The following MGST1 variants were observed in gnomAD, a reference collection of about 807,000 sequenced individuals.
MGST1 encodes the protein microsomal glutathione S-transferase 1.
A neutral mutation model predicts 8.9 loss-of-function variants in MGST1; 5 were observed. The observed-to-expected ratio is 0.56, with a 90% CI of 0.29 to 1.19. The LOEUF (loss-of-function observed/expected upper bound fraction) is 1.19, where lower values mean the gene tolerates loss of function less well. MGST1 is among the 50% of genes most tolerant of loss of function. The pLI is 0.08. For missense variants in MGST1, 182 were observed against 187.4 expected (o/e 0.97, Z 0.17); for synonymous variants, 54 against 67.8 (o/e 0.80, Z 1.00).
chr12:16,428,296 CTTTG>C (rs1194268165), intron 1 of MGST1, among the ~76,000 whole-genome samples: 1 of 151,314 alleles, frequency 6.6e-6, no homozygotes, highest in African/African-American at 2.4e-5. Flanking sequence ...TCTCTTATAA[CTTTG>C]TTTGCAAATT....
At chr12:16,507,324 A>G (rs184156860) in intron 4 of MGST1, among the ~76,000 whole-genome samples, 267 of 152,248 alleles carry the variant, frequency 1.8e-3, no homozygotes, top group Non-Finnish European at 2.9e-3. Flanking sequence ...AGTAGGGGCA[A>G]GTTCATCAGA....
intron 1 of MGST1, among the ~76,000 whole-genome samples, chr12:16,398,778 A>G (rs1335905553): frequency 6.6e-6 from 1 of 152,234 alleles, no homozygotes; most frequent in Non-Finnish European, 1.5e-5. Context: ...TATCACAACA[A>G]TCAGTAAATT....
Position 16,500,384 on chromosome 12 carries a change from C to T in MGST1, n.483-89144C>T, listed in dbSNP as rs191119819. Among the ~76,000 whole-genome samples, 1 of 152,318 alleles carries T rather than the reference C, an allele frequency of 6.6e-6. No homozygotes were observed. The highest frequency in any genetic ancestry group is 1.9e-4 in the East Asian group (1 of 5,190). On this transcript the variant is annotated intron_variant and non_coding_transcript_variant, in intron 4 of 4. Transcript: ENST00000538857. The surrounding 1 kb of genome is among the most constrained non-coding windows in gnomAD (Gnocchi z 4.3). ...TATTATAACAACAGCTATTCCCAAC[C>T]TTCTAGCTTGATCCATTCAGGGACA...
intron 4 of MGST1, among the ~76,000 whole-genome samples, chr12:16,570,310 C>T (rs1005997840): frequency 2.6e-5 from 4 of 152,104 alleles, no homozygotes; most frequent in African/African-American, 9.7e-5. Flanking sequence ...TAATTACCTT[C>T]TTTTCTATCT....
chr12:16,395,197 T>A (rs1194682034), intron 1 of MGST1, among the ~76,000 whole-genome samples: 2 of 151,968 alleles, frequency 1.3e-5, no homozygotes, highest in East Asian at 1.9e-4. Context: ...GAAGGATTTT[T>A]TATATATATA....
At chr12:16,441,582 C>T (rs1941039134), downstream of MGST1, among the ~76,000 whole-genome samples, 1 of 151,828 alleles carries the variant, frequency 6.6e-6, no homozygotes, top group African/African-American at 2.4e-5. Context: ...TGAAATCGCA[C>T]AGTATGTAGC....
In MGST1 at chr12:16,501,918, TATTA is replaced by T. The variant is rs1211514801; in HGVS notation, n.483-87605_483-87602del. Among the ~76,000 whole-genome samples, 7 of 152,178 alleles carry T rather than the reference TATTA, an allele frequency of 4.6e-5. No homozygotes were observed. The East Asian group carries it at 7.7e-4, about 17-fold the overall frequency. On this transcript the variant is annotated intron_variant and non_coding_transcript_variant, in intron 4 of 4. Coordinates refer to the MGST1 transcript ENST00000538857. ...TTATTCTAAAATGTATCAAAAATTC[TATTA>T]ATTATCTAAATTATTCTAGGTTGTG...
intron 4 of MGST1, chr12:16,514,237 G>T (rs11830128): frequency 6.9e-6 from 2 of 288,198 alleles, no homozygotes; most frequent in South Asian, 3.3e-5. Context: ...ACACAGTGAG[G>T]GTGTGGCAGG....
At position 16,533,403 on chromosome 12, in the gene MGST1, C is replaced by A. The variant is rs147064699; in HGVS notation, n.483-56125C>A. On this transcript the variant is annotated intron_variant and non_coding_transcript_variant, in intron 4 of 4. Coordinates refer to the MGST1 transcript ENST00000538857. ...CCAAGCAGCTGGGAGGCTCAGCCAA[C>A]CATTTGTCTCTCTGGGTTCTCCTGG... 4.1e-3 allele frequency among the ~76,000 whole-genome samples: 630 copies of A among 152,184 alleles called. 7 individuals carry two copies. Among genetic ancestry groups the A allele is most frequent in the African/African-American group, 0.015 (608 of 41,528 alleles).
At chr12:16,456,476 A>G (rs1941173426) in intron 4 of MGST1, among the ~76,000 whole-genome samples, 1 of 151,950 alleles carries the variant, frequency 6.6e-6, no homozygotes, top group Non-Finnish European at 1.5e-5. Flanking sequence ...CTATCCAAGT[A>G]CATAAGCCAT....
intron 1 of MGST1, among the ~76,000 whole-genome samples, chr12:16,414,977 T>G (rs1940775298): frequency 6.6e-6 from 1 of 152,028 alleles, no homozygotes. Flanking sequence ...TGAGCCAAGA[T>G]CGCACCATTG....
intron 4 of MGST1, among the ~76,000 whole-genome samples, chr12:16,468,722 A>G (rs767539072): frequency 6.6e-6 from 1 of 152,368 alleles, no homozygotes; most frequent in South Asian, 2.1e-4. Flanking sequence ...GATTAATTAA[A>G]TGCTTAAGGC....
At chr12:16,531,409 G>A (rs763802044) in intron 4 of MGST1, among the ~76,000 whole-genome samples, 21 of 151,990 alleles carry the variant, frequency 1.4e-4, no homozygotes, top group Non-Finnish European at 2.9e-4. Context: ...TAAAACAAGG[G>A]CCCTTTCCTG....
At chr12:16,411,539 A>G (rs1239142948) in intron 1 of MGST1, among the ~76,000 whole-genome samples, 1 of 152,150 alleles carries the variant, frequency 6.6e-6, no homozygotes, top group Non-Finnish European at 1.5e-5. Flanking sequence ...TTAATAATAT[A>G]CGATGATTTT....
intron 4 of MGST1, chr12:16,574,088 G>C (rs1411389862): frequency 6.6e-6 from 1 of 151,880 alleles, no homozygotes. Flanking sequence ...GATCCCTTTG[G>C]AAAACCAACC....
At chr12:16,516,504 A>G (rs1296660053) in intron 4 of MGST1, among the ~76,000 whole-genome samples, 1 of 152,154 alleles carries the variant, frequency 6.6e-6, no homozygotes, top group East Asian at 1.9e-4. Flanking sequence ...AGGTCTCAAA[A>G]TTGGGCAAGT....
chr12:16,506,792 A>G (rs948870831), intron 4 of MGST1, among the ~76,000 whole-genome samples: 1 of 152,250 alleles, frequency 6.6e-6, no homozygotes, highest in African/African-American at 2.4e-5. Flanking sequence ...GAACACTGGT[A>G]TAGAGAACAC....
At chr12:16,523,440 CCTCA>C (rs763875763) in intron 4 of MGST1, among the ~76,000 whole-genome samples, 1 of 151,964 alleles carries the variant, frequency 6.6e-6, no homozygotes, top group African/African-American at 2.4e-5. Context: ...TCACCCAAGG[CCTCA>C]CTCTCCTCCT....
chr12:16,486,080 C>T (rs1001704167), intron 4 of MGST1, among the ~76,000 whole-genome samples: 1 of 152,150 alleles, frequency 6.6e-6, no homozygotes, highest in Non-Finnish European at 1.5e-5. Context: ...TTGTTCCCTG[C>T]TCTTATTCAG....
Sources: allele counts gnomAD v4.1 joint callset (sites outside exome capture counted in the v4.1 genomes callset), GRCh38; gene constraint gnomAD v4.1.1; non-coding constraint Gnocchi (gnomAD v3.1); transcripts MANE v1.5; gene names NCBI Gene and HGNC (gene_info 2026-07-23, HGNC 2026-07-21).